IST1: variants seen among roughly 807,000 people sequenced by gnomAD.
IST1 encodes IST1 factor associated with ESCRT-III, also known as IST1 homolog.
Under a neutral mutation model 37.0 loss-of-function variants are expected in IST1, and 23 were observed. That is an observed-to-expected ratio of 0.62 (90% CI 0.45 to 0.88). The LOEUF is 0.88. IST1 is among the 40% of genes least tolerant of loss of function. The probability of loss-of-function intolerance (pLI) is 0.00; values close to 1 mark genes in which losing one functional copy is unlikely to be tolerated. For missense variants in IST1, 488 were observed against 445.4 expected (o/e 1.10, Z -0.86); for synonymous variants, 180 against 161.7 (o/e 1.11, Z -0.86).
rs1387560660 is a variant in IST1, at chr16:71,928,718, A to C, written c.*905A>C. 1.3e-5 allele frequency: 2 copies of C among 152,496 alleles called. No individual in the cohort carries two copies. Among genetic ancestry groups the C allele is most frequent in the Admixed American group, 1.3e-4 (2 of 15,276 alleles). The allele number at this position is 152,496 out of a possible 1,614,324, so 9.4% of individuals were successfully genotyped here. A position where few individuals can be genotyped will look rare whatever the true frequency, so the allele number is the denominator to read the frequency against. On this transcript the variant is annotated 3_prime_UTR_variant, in exon 10 of 10. Coordinates refer to ENST00000378799, the MANE Select transcript of IST1 (RefSeq NM_001270975.2). ...TGTTTTCATTTGAAAACTTTGATTC[A>C]TGGAACCTTTAAAACTAATCTCAGA...
intron 9 of IST1, among the ~76,000 whole-genome samples, chr16:71,927,085 T>C (rs551592697): frequency 1.3e-5 from 2 of 152,330 alleles, no homozygotes; most frequent in South Asian, 2.1e-4. Context: ...TGTGGCCCCA[T>C]GTATCCCACT....
In IST1 at chr16:71,921,393, A is replaced by T. The variant is rs761751736; in HGVS notation, c.492A>T (p.Arg164Ser). The T allele has an allele frequency of 6.2e-7, 1 of 1,613,978 alleles. No homozygotes were observed. The highest frequency in any genetic ancestry group is 8.5e-7 in the Non-Finnish European group (1 of 1,179,918). The change falls in exon 6 of 10, where the codon AGA (arginine) becomes AGT (serine). Residue 164 changes from arginine (R) to serine (S), a missense_variant. Physicochemically the swap from Arg to Ser is moderately radical, Grantham distance 110. Coordinates refer to ENST00000378799, the MANE Select transcript of IST1 (RefSeq NM_001270975.2). ...VEAPPKILVE[R>S]YLIEIAKNYN... ...CCCCACCCAAAATCCTGGTGGAGAG[A>T]TACCTGATTGAAATTGCAAAGAATT...
At chr16:71,923,438 C>G (rs1597256332) in intron 8 of IST1, 58 bp downstream of exon 8, 3 of 1,080,554 alleles carry the variant, frequency 2.8e-6, no homozygotes, top group East Asian at 2.4e-5. Context: ...GAAGAGCGAG[C>G]AAAATAATGA....
intron 9 of IST1, among the ~76,000 whole-genome samples, chr16:71,925,675 T>G (rs955698731): frequency 8.6e-5 from 13 of 150,524 alleles, no homozygotes; most frequent in Non-Finnish European, 1.6e-4. Flanking sequence ...AAAAAAGTAC[T>G]GGCCAGGTGT....
At chr16:71,915,041 T>G (rs2037438179) in intron 1 of IST1, among the ~76,000 whole-genome samples, 1 of 152,210 alleles carries the variant, frequency 6.6e-6, no homozygotes, top group Non-Finnish European at 1.5e-5. Context: ...CACCCCTTTG[T>G]GTAACCCTGT....
At chr16:71,902,799 G>C (rs1372099022) in intron 1 of IST1, among the ~76,000 whole-genome samples, 1 of 152,028 alleles carries the variant, frequency 6.6e-6, no homozygotes, top group Non-Finnish European at 1.5e-5. Flanking sequence ...TTTTCTTTGT[G>C]AGTTTGTTAT....
At chr16:71,916,820 T>G (rs2037477440) in intron 3 of IST1, among the ~76,000 whole-genome samples, 178 bp downstream of exon 3, 1 of 152,212 alleles carries the variant, frequency 6.6e-6, no homozygotes, top group Non-Finnish European at 1.5e-5. Context: ...TAAATTTGAA[T>G]CTTGGCTCGA....
chr16:71,896,094 G>C (rs11075909), intron 1 of IST1, among the ~76,000 whole-genome samples: 7,121 of 152,306 alleles, frequency 0.047, 531 homozygotes, highest in African/African-American at 0.16. Context: ...GAACGGACTT[G>C]GGTCCACTTT....
upstream of IST1, chr16:71,894,962 A>T: frequency 1.2e-6 from 1 of 850,332 alleles, no homozygotes; most frequent in African/African-American, 1.7e-5. Flanking sequence ...CACAGACCGG[A>T]GCGATGCTGG....
chr16:71,919,261 C>A (rs896472690), intron 4 of IST1, among the ~76,000 whole-genome samples: 1 of 152,240 alleles, frequency 6.6e-6, no homozygotes, highest in African/African-American at 2.4e-5. Flanking sequence ...GGCCTCTGCA[C>A]TAGAGGCTCA....
At chr16:71,896,997 C>T (rs1303450780) in intron 1 of IST1, among the ~76,000 whole-genome samples, 1 of 150,796 alleles carries the variant, frequency 6.6e-6, no homozygotes, top group Non-Finnish European at 1.5e-5. Context: ...GAAATTAAAA[C>T]ACTTCCTCTT....
chr16:71,919,161 T>C (rs951785779), intron 4 of IST1, among the ~76,000 whole-genome samples: 24 of 152,220 alleles, frequency 1.6e-4, no homozygotes, highest in African/African-American at 5.8e-4. Context: ...CTGTTGCTCT[T>C]GTGATAGAAA....
intron 1 of IST1, among the ~76,000 whole-genome samples, chr16:71,901,373 C>A (rs1254548579): frequency 1.3e-5 from 2 of 152,106 alleles, no homozygotes; most frequent in Non-Finnish European, 2.9e-5. Context: ...ATCACCACAC[C>A]CAGCTAATTT....
chr16:71,927,895 T>G lies in IST1; in HGVS notation c.*82T>G, dbSNP rs2037788811. ...TTGTAACAAAGAATCTCCATGAAAT[T>G]CTGTTTCATCTGTTAACCGTCACTC... On this transcript the variant is annotated 3_prime_UTR_variant, in exon 10 of 10. Coordinates refer to ENST00000378799, the MANE Select transcript of IST1 (RefSeq NM_001270975.2). The G allele has an allele frequency of 1.0e-6, 1 of 957,320 alleles. No individual in the cohort carries two copies. The highest frequency in any genetic ancestry group is 1.8e-5 in the Admixed American group (1 of 55,864). 59.3% of individuals were successfully genotyped at this position (957,320 alleles called of 1,614,324 possible).
At chr16:71,903,152 A>T (rs765081728) in intron 1 of IST1, 13 of 151,746 alleles carry the variant, frequency 8.6e-5, no homozygotes, top group Non-Finnish European at 1.8e-4. Flanking sequence ...CTAATGTTTT[A>T]ATTTTTTTGT....
intron 1 of IST1, among the ~76,000 whole-genome samples, chr16:71,913,994 G>T (rs1396032281): frequency 6.6e-6 from 1 of 151,998 alleles, no homozygotes; most frequent in Non-Finnish European, 1.5e-5. Flanking sequence ...TTTTAGTAGA[G>T]ATGGGGTTTC....
chr16:71,908,221 C>T (rs2037270190), intron 1 of IST1, among the ~76,000 whole-genome samples: 4 of 149,428 alleles, frequency 2.7e-5, no homozygotes, highest in South Asian at 4.4e-4. Context: ...GGATTAGAGG[C>T]GTGAGCCACT....
chr16:71,929,710 GA>G lies in IST1; in HGVS notation c.*1901del, dbSNP rs2037854060. The G allele has an allele frequency of 2.7e-6, 4 of 1,498,120 alleles. No individual in the cohort carries two copies. The highest frequency in any genetic ancestry group is 2.7e-6 in the Non-Finnish European group (3 of 1,119,084). 92.8% of individuals were successfully genotyped at this position (1,498,120 alleles called of 1,614,324 possible). On this transcript the variant is annotated 3_prime_UTR_variant, in exon 10 of 10. Coordinates refer to ENST00000378799, the MANE Select transcript of IST1 (RefSeq NM_001270975.2). ...ATTGAAGACAAAAAGAGAAAAGTGA[GA>G]AAATTGAAATTACTGCTAATAGTGG...
At chr16:71,909,624 C>T (rs2037307320) in intron 1 of IST1, among the ~76,000 whole-genome samples, 1 of 152,192 alleles carries the variant, frequency 6.6e-6, no homozygotes. Flanking sequence ...TCAGTTTATA[C>T]ATTTATATTG....
Sources: gnomAD v4.1 joint callset for allele counts (sites outside exome capture counted in the v4.1 genomes callset) on GRCh38, gnomAD v4.1.1 for gene constraint, MANE v1.5 for transcripts, NCBI Gene and HGNC (gene_info 2026-07-23, HGNC 2026-07-21) for gene names.